RAD54B: variants seen among roughly 807,000 people sequenced by gnomAD.
The protein encoded by RAD54B is RAD54 homolog B.
In RAD54B, 78 loss-of-function variants were observed where a neutral mutation model predicts 95.8. The ratio of observed to expected loss-of-function variants is 0.81; its 90% CI spans 0.68 to 0.98. RAD54B has a LOEUF of 0.98. RAD54B is among the 50% of genes least tolerant of loss of function. RAD54B has a pLI of 0.00. For synonymous variants in RAD54B, 328 were observed against 354.9 expected (o/e 0.92, Z 0.85); for missense variants, 957 against 1,056.6 (o/e 0.91, Z 1.31).
chr8:94,393,890 G>T lies in RAD54B; in HGVS notation c.1379-8C>A. On this transcript the variant is annotated splice_polypyrimidine_tract_variant and splice_region_variant and intron_variant, in intron 8 of 14. Coordinates refer to ENST00000336148, the MANE Select transcript of RAD54B (RefSeq NM_012415.3). The stretch of plus-strand genomic sequence containing the variant: ...CATTCTGAATTGGAGTACCTAAAGA[G>T]AGACAAAAATGAGTAAAAGGTCAAG... The T allele has an allele frequency of 6.3e-7, 1 of 1,576,570 alleles. No homozygotes were observed. Among genetic ancestry groups the T allele is most frequent in the South Asian group, 1.2e-5 (1 of 84,678 alleles).
Position 94,387,069 on chromosome 8 carries a change from G to C in RAD54B, c.1900C>G (p.Leu634Val). 3 of 1,613,506 alleles carry C rather than the reference G, an allele frequency of 1.9e-6. No individual in the cohort carries two copies. Among genetic ancestry groups the C allele is most frequent in the Non-Finnish European group, 2.5e-6 (3 of 1,179,552 alleles). The change falls in exon 11 of 15, where the codon CTC (leucine) becomes GTC (valine). Residue 634 changes from leucine to valine, a missense_variant. Coordinates refer to ENST00000336148, the MANE Select transcript of RAD54B (RefSeq NM_012415.3). ...CCTGACTCCTTTTCAGTAAACAGGA[G>C]AGGGTTGTAGTCAGCAGGAAACACA... ...LSVFPADYNPLLFTEKESGKL... is the reference protein window; with the variant it reads ...LSVFPADYNPVLFTEKESGKL...
At chr8:94,393,716 A>C in intron 9 of RAD54B, 27 bp downstream of exon 9, 1 of 1,522,972 alleles carries the variant, frequency 6.6e-7, no homozygotes, top group Non-Finnish European at 8.9e-7. Flanking sequence ...GGCTTTTTAA[A>C]AACCTATTTA....
chr8:94,379,402 C>A (rs1319390407), intron 12 of RAD54B, among the ~76,000 whole-genome samples: 1 of 152,194 alleles, frequency 6.6e-6, no homozygotes, highest in Admixed American at 6.5e-5. Flanking sequence ...TATGCACTGT[C>A]ACTCACCAAT....
intron 3 of RAD54B, among the ~76,000 whole-genome samples, chr8:94,435,468 T>G (rs1285011303): frequency 6.6e-6 from 1 of 152,134 alleles, no homozygotes. Flanking sequence ...GCTTATATAA[T>G]GCCTCTTCCA....
intron 14 of RAD54B, chr8:94,372,865 T>G (rs1331955343): frequency 6.6e-6 from 1 of 152,268 alleles, no homozygotes; most frequent in Non-Finnish European, 1.5e-5. Context: ...TAGGTAAGGT[T>G]TTGCCACAAA....
chr8:94,407,816 A>G, intron 4 of RAD54B, 96 bp from the exon 5 acceptor site: 1 of 974,128 alleles, frequency 1.0e-6, no homozygotes, highest in South Asian at 2.1e-5. Flanking sequence ...GAATGTAAAT[A>G]GTCTTATATA....
intron 10 of RAD54B, among the ~76,000 whole-genome samples, chr8:94,390,969 A>C (rs2129983611): frequency 6.6e-6 from 1 of 152,304 alleles, no homozygotes; most frequent in South Asian, 2.1e-4. Context: ...GAAAGCAAAG[A>C]TGTCAGGTAT....
chr8:94,464,107 A>C (rs1586042137), intron 2 of RAD54B, among the ~76,000 whole-genome samples: 1 of 152,166 alleles, frequency 6.6e-6, no homozygotes. Context: ...AACGGCTCCC[A>C]AAGATTTCCA....
At chr8:94,451,914 T>C (rs1384426136) in intron 3 of RAD54B, among the ~76,000 whole-genome samples, 1 of 152,208 alleles carries the variant, frequency 6.6e-6, no homozygotes, top group East Asian at 1.9e-4. Context: ...ATAAAGGACG[T>C]TGTCTTAGTC....
chr8:94,380,062 TATC>T lies in RAD54B; in HGVS notation c.2247+80_2247+82del, dbSNP rs1194883462. On this transcript the variant is annotated intron_variant, in intron 12 of 14. Coordinates refer to ENST00000336148, the MANE Select transcript of RAD54B (RefSeq NM_012415.3). ...GGCTCTTTATGCAGTGGATATTATA[TATC>T]ATCATTATCTTTGTATCCTCAATAG... 4.7e-5 allele frequency: 67 copies of T among 1,414,594 alleles called. No individual in the cohort carries two copies. In the South Asian group the frequency reaches 6.8e-4, roughly 14 times the overall value. 87.6% of individuals were successfully genotyped at this position (1,414,594 alleles called of 1,614,324 possible).
chr8:94,423,355 C>T (rs981514581), intron 3 of RAD54B, among the ~76,000 whole-genome samples: 3 of 152,150 alleles, frequency 2.0e-5, no homozygotes, highest in African/African-American at 7.2e-5. Flanking sequence ...GCACTCCAGA[C>T]CAGGCAACAG....
chr8:94,411,540 C>T (rs963882889), intron 3 of RAD54B, among the ~76,000 whole-genome samples: 3 of 151,728 alleles, frequency 2.0e-5, no homozygotes, highest in Non-Finnish European at 2.9e-5. Flanking sequence ...CTTACTGTTC[C>T]GAAGTCAAAT....
At chr8:94,463,123 C>T (rs1181794457) in intron 2 of RAD54B, among the ~76,000 whole-genome samples, 1 of 151,922 alleles carries the variant, frequency 6.6e-6, no homozygotes, top group Non-Finnish European at 1.5e-5. Context: ...TTGCAGTGAG[C>T]CAGGATTGTG....
At chr8:94,447,107 G>A (rs1812540170) in intron 3 of RAD54B, among the ~76,000 whole-genome samples, 1 of 152,088 alleles carries the variant, frequency 6.6e-6, no homozygotes, top group African/African-American at 2.4e-5. Context: ...GATATTCTGT[G>A]ATGTTAAGCA....
intron 3 of RAD54B, among the ~76,000 whole-genome samples, chr8:94,412,630 T>G (rs1029804353): frequency 6.6e-6 from 1 of 152,258 alleles, no homozygotes; most frequent in East Asian, 1.9e-4. Flanking sequence ...TTTTACGTCA[T>G]ACACACTTGA....
chr8:94,378,175 C>A lies in RAD54B; in HGVS notation c.2515+5G>T. 1 of 1,593,040 alleles carries A rather than the reference C, an allele frequency of 6.3e-7. No homozygotes were observed. Among genetic ancestry groups the A allele is most frequent in the East Asian group, 2.2e-5 (1 of 44,470 alleles). ...ACATAGTAACAGAATTAAAATATAA[C>A]TAACCTGTATGAACTTCTTCTCCTG... On this transcript the variant is annotated splice_donor_5th_base_variant and intron_variant, in intron 14 of 14. Transcript: ENST00000336148.
At position 94,428,226 on chromosome 8, in the gene RAD54B, A is replaced by T; in HGVS notation, c.305-16911T>A. ...TATCAAATGTAGTATATTTCTACAGAATCAAGTCTACATTTAAAAAACAAA... is the reference window on the plus strand; with the variant it reads ...TATCAAATGTAGTATATTTCTACAGTATCAAGTCTACATTTAAAAAACAAA... On this transcript the variant is annotated intron_variant, in intron 3 of 14. Transcript: ENST00000336148. 4 of 878,922 alleles carry T rather than the reference A, an allele frequency of 4.6e-6. 1 individual carries two copies. 54.4% of individuals were successfully genotyped at this position (878,922 alleles called of 1,614,324 possible). A position where few individuals can be genotyped will look rare whatever the true frequency, so the allele number is the denominator to read the frequency against.
rs535129404 is a variant in RAD54B at position 94,378,315 on chromosome 8, C to G, written c.2380G>C (p.Asp794His). 2 of 1,613,848 alleles carry G rather than the reference C, an allele frequency of 1.2e-6. No individual in the cohort carries two copies. The highest frequency in any genetic ancestry group is 1.7e-5 in the Admixed American group (1 of 60,006). Residue 794 changes from aspartate to histidine, a missense_variant, in exon 14 of 15, where the codon GAC becomes CAC. Physicochemically the swap from Asp to His is moderately conservative, Grantham distance 81 (BLOSUM62 -1). Transcript: ENST00000336148. ...SKQGLCGAVVDLTKTSEHIQF... is the reference protein window; with the variant it reads ...SKQGLCGAVVHLTKTSEHIQF... ...ATATGTTCAGATGTCTTGGTGAGGT[C>G]GACAACTGCCCCACAAAGACCTTGC... is the stretch of plus-strand genomic sequence containing the variant.
chr8:94,472,090 G>C (rs1039293750), intron 1 of RAD54B, among the ~76,000 whole-genome samples: 3 of 152,032 alleles, frequency 2.0e-5, no homozygotes, highest in African/African-American at 7.2e-5. Context: ...GAATGAGTAG[G>C]AGAGATCACT....
Sources: allele counts gnomAD v4.1 joint callset (sites outside exome capture counted in the v4.1 genomes callset), GRCh38; gene constraint gnomAD v4.1.1; transcripts MANE v1.5; gene names NCBI Gene and HGNC (gene_info 2026-07-23, HGNC 2026-07-21).